CAV1: variants seen among roughly 807,000 people sequenced by gnomAD.
The protein encoded by CAV1 is caveolin 1.
In CAV1, 10 loss-of-function variants were observed where a neutral mutation model predicts 16.5. The ratio of observed to expected loss-of-function variants is 0.61; its 90% CI spans 0.37 to 1.03. The LOEUF is 1.03. Among genes scored for constraint, CAV1 ranks in the 50% least tolerant of loss-of-function variants. CAV1 has a pLI of 0.01. For missense variants in CAV1, 212 were observed against 232.8 expected (o/e 0.91, Z 0.58); for synonymous variants, 76 against 85.1 (o/e 0.89, Z 0.59).
At chr7:116,537,892 CAGAGT>C (rs1793856247) in intron 2 of CAV1, among the ~76,000 whole-genome samples, 1 of 152,162 alleles carries the variant, frequency 6.6e-6, no homozygotes, top group Admixed American at 6.5e-5. Context: ...CAGGTGTGGC[CAGAGT>C]AGAACTAGAG....
chr7:116,543,134 G>A (rs1459821597), intron 2 of CAV1, among the ~76,000 whole-genome samples: 1 of 152,156 alleles, frequency 6.6e-6, no homozygotes, highest in African/African-American at 2.4e-5. Flanking sequence ...ACTCTGGACT[G>A]TAGTTTCTTC....
At chr7:116,529,235 A>T (rs748988315) in intron 2 of CAV1, among the ~76,000 whole-genome samples, 3 of 152,164 alleles carry the variant, frequency 2.0e-5, no homozygotes, top group Non-Finnish European at 4.4e-5. Context: ...TTCACATAAT[A>T]AGAAAGAACC....
chr7:116,546,520 C>T (rs1484945775), intron 2 of CAV1, among the ~76,000 whole-genome samples: 1 of 149,092 alleles, frequency 6.7e-6, no homozygotes, highest in African/African-American at 2.5e-5. Context: ...TGAAATCCTG[C>T]CTCTACTAAA....
chr7:116,545,977 T>C (rs1794036890), intron 2 of CAV1, among the ~76,000 whole-genome samples: 6 of 152,234 alleles, frequency 3.9e-5, no homozygotes, highest in Admixed American at 3.9e-4. Flanking sequence ...GGTAGGATTT[T>C]TCTATCTGGG....
At chr7:116,525,403 G>T (rs946179112) in intron 1 of CAV1, 3 of 1,482,920 alleles carry the variant, frequency 2.0e-6, no homozygotes, top group African/African-American at 2.8e-5. Context: ...GGTCTAGGAT[G>T]CTCCCTTGTC....
Position 116,530,101 on chromosome 7 carries a change from C to T in CAV1, c.195+3412C>T, listed in dbSNP as rs1356971753. On this transcript the variant is annotated intron_variant, in intron 2 of 2. Coordinates refer to ENST00000341049, the MANE Select transcript of CAV1 (RefSeq NM_001753.5). ...TAAATCCTAGCAATCACAAAGATTA[C>T]AGTTAGTGAGACGACATGCACACAG... 2.0e-5 allele frequency among the ~76,000 whole-genome samples: 3 copies of T among 151,960 alleles called. No individual in the cohort carries two copies. The East Asian group carries it at 5.8e-4, about 29-fold the overall frequency.
chr7:116,549,410 A>AT (rs1479107839), intron 2 of CAV1, among the ~76,000 whole-genome samples: 2 of 152,214 alleles, frequency 1.3e-5, no homozygotes, highest in Non-Finnish European at 2.9e-5. Flanking sequence ...CTGAGCTTGA[A>AT]TTATCCCCTT....
rs759139654 is a variant in CAV1 at position 116,559,166 on chromosome 7, T to C, written c.416T>C (p.Ile139Thr). The change falls in exon 3 of 3, where the codon ATT (isoleucine) becomes ACT (threonine). Residue 139 changes from isoleucine to threonine, a missense_variant. Ile to Thr is a moderately conservative substitution (Grantham distance 89, BLOSUM62 -1). Coordinates refer to ENST00000341049, the MANE Select transcript of CAV1 (RefSeq NM_001753.5). ...AVVPCIKSFL[I>T]EIQCISRVYS... ...GTACCATGCATTAAGAGCTTCCTGA[T>C]TGAGATTCAGTGCATCAGCCGTGTC... 1.3e-5 allele frequency: 21 copies of C among 1,613,862 alleles called. No individual in the cohort carries two copies. Among genetic ancestry groups the C allele is most frequent in the Non-Finnish European group, 1.7e-5 (20 of 1,179,894 alleles).
At position 116,555,627 on chromosome 7, in the gene CAV1, G is replaced by T. The variant is rs576525459; in HGVS notation, c.196-3319G>T. The stretch of plus-strand genomic sequence containing the variant: ...AAGAGAAAGAAAGAAAGAAGGGAGG[G>T]AGGGAGGGAGAGGAGAGAAAGAAAA... On this transcript the variant is annotated intron_variant, in intron 2 of 2. Transcript: ENST00000341049. Among the ~76,000 whole-genome samples the T allele has an allele frequency of 1.1e-4, 16 of 140,084 alleles. 1 individual carries two copies. The East Asian group carries it at 3.2e-3, about 28-fold the overall frequency. 91.9% of individuals were successfully genotyped at this position (140,084 alleles called of 152,430 possible).
chr7:116,556,479 GC>G (rs35409784), intron 2 of CAV1, among the ~76,000 whole-genome samples: 11,950 of 152,202 alleles, frequency 0.079, 666 homozygotes, highest in East Asian at 0.21. Context: ...CCAGATTTAA[GC>G]CTCAAATCTA....
chr7:116,556,102 G>C (rs898264270), intron 2 of CAV1, among the ~76,000 whole-genome samples: 3 of 152,198 alleles, frequency 2.0e-5, no homozygotes, highest in African/African-American at 7.2e-5. Flanking sequence ...TTCTGAAAAT[G>C]CAGTTTCACT....
chr7:116,544,122 G>A (rs1793993932), intron 2 of CAV1, among the ~76,000 whole-genome samples: 1 of 152,160 alleles, frequency 6.6e-6, no homozygotes, highest in African/African-American at 2.4e-5. Context: ...GCCAAAATCT[G>A]TAGGTTTTAA....
intron 2 of CAV1, among the ~76,000 whole-genome samples, chr7:116,556,417 A>C (rs1462608458): frequency 6.6e-6 from 1 of 152,220 alleles, no homozygotes; most frequent in Admixed American, 6.5e-5. Flanking sequence ...TAAAATTTGA[A>C]AACCATTTTT....
chr7:116,526,766 T>C (rs1793572462), intron 2 of CAV1, 77 bp downstream of exon 2: 8 of 1,548,254 alleles, frequency 5.2e-6, no homozygotes, highest in Non-Finnish European at 7.1e-6. Flanking sequence ...TTCTTTAGCA[T>C]TGCCGTGTAC....
At chr7:116,525,303 C>G in intron 1 of CAV1, 1 of 1,553,470 alleles carries the variant, frequency 6.4e-7, no homozygotes, top group Non-Finnish European at 8.7e-7. Flanking sequence ...GGAGAGGGGG[C>G]CTAGGGAGCC....
At chr7:116,535,004 A>G (rs942452794) in intron 2 of CAV1, among the ~76,000 whole-genome samples, 3 of 152,184 alleles carry the variant, frequency 2.0e-5, no homozygotes. Flanking sequence ...ATGGTTCTCC[A>G]TCCCTTCAGG....
At chr7:116,527,551 T>C (rs772854220) in intron 2 of CAV1, among the ~76,000 whole-genome samples, 24 of 152,242 alleles carry the variant, frequency 1.6e-4, no homozygotes, top group Non-Finnish European at 2.2e-4. Flanking sequence ...ATCATTGTTA[T>C]TAGATTTTGA....
At chr7:116,525,888 G>C (rs746456438) in intron 1 of CAV1, 109 of 966,120 alleles carry the variant, frequency 1.1e-4, no homozygotes, top group Non-Finnish European at 1.3e-4. Context: ...TGATCATCAC[G>C]GCGGATTGAG....
intron 2 of CAV1, among the ~76,000 whole-genome samples, chr7:116,551,073 A>G (rs958548661): frequency 7.9e-5 from 12 of 152,326 alleles, no homozygotes; most frequent in East Asian, 3.9e-4. Context: ...CCAAGGGAAC[A>G]TGGCACACTC....
Sources: allele counts gnomAD v4.1 joint callset (sites outside exome capture counted in the v4.1 genomes callset), GRCh38; gene constraint gnomAD v4.1.1; transcripts MANE v1.5; gene names NCBI Gene and HGNC (gene_info 2026-07-23, HGNC 2026-07-21).